ST6GALNAC3: variants seen among roughly 807,000 people sequenced by gnomAD.
The protein encoded by ST6GALNAC3 is alpha-N-acetylgalactosaminide alpha-2,6-sialyltransferase 3.
ST6GALNAC3 carries 25 observed loss-of-function variants against 32.7 expected under a neutral mutation model. The ratio of observed to expected loss-of-function variants is 0.76; its 90% confidence interval spans 0.56 to 1.07. The LOEUF is 1.07. Ranked by LOEUF, ST6GALNAC3 falls within the 50% of genes least tolerant of loss-of-function variation. The pLI, the probability that ST6GALNAC3 is intolerant of heterozygous loss-of-function variation, is 0.00. For synonymous variants in ST6GALNAC3, 129 were observed against 133.1 expected, an observed-to-expected ratio of 0.97 and a Z score of 0.21; for missense variants, 355 against 382.4, an observed-to-expected ratio of 0.93 and a Z score of 0.60.
chr1:76,163,972 C>T (rs1196097017), intron 1 of ST6GALNAC3, among the ~76,000 whole-genome samples: 3 of 152,174 alleles, frequency 2.0e-5, no homozygotes, highest in African/African-American at 7.2e-5. Context: ...GCTACTTTTA[C>T]ACATTGTTAA....
intron 1 of ST6GALNAC3, among the ~76,000 whole-genome samples, chr1:76,123,087 G>C (rs1332688881): frequency 6.6e-6 from 1 of 152,118 alleles, no homozygotes; most frequent in Non-Finnish European, 1.5e-5. Flanking sequence ...AAGAAGTTTT[G>C]CTGGCTGGGC....
At chr1:76,235,965 TG>T (rs1198583473) in intron 1 of ST6GALNAC3, among the ~76,000 whole-genome samples, 1 of 151,616 alleles carries the variant, frequency 6.6e-6, no homozygotes, top group Non-Finnish European at 1.5e-5. Context: ...GACCTCATTT[TG>T]TTTTTTGTTT....
intron 1 of ST6GALNAC3, among the ~76,000 whole-genome samples, chr1:76,139,520 C>T (rs1044060546): frequency 2.0e-5 from 3 of 152,170 alleles, no homozygotes; most frequent in Admixed American, 2.0e-4. Flanking sequence ...GCCTTTATCC[C>T]TATAGGAAGC....
At chr1:76,491,054 C>A (rs1446955813) in intron 3 of ST6GALNAC3, among the ~76,000 whole-genome samples, 1 of 151,958 alleles carries the variant, frequency 6.6e-6, no homozygotes, top group African/African-American at 2.4e-5. Flanking sequence ...GATGGGGTTT[C>A]TCCAAGTTGG....
chr1:76,303,600 C>T (rs562667109), intron 1 of ST6GALNAC3, among the ~76,000 whole-genome samples: 8 of 152,184 alleles, frequency 5.3e-5, no homozygotes, highest in African/African-American at 1.9e-4. Context: ...GTCCCTTCCA[C>T]TAAAAAATAA....
chr1:76,365,864 T>C (rs1255742569), intron 2 of ST6GALNAC3, among the ~76,000 whole-genome samples: 1 of 152,222 alleles, frequency 6.6e-6, no homozygotes, highest in East Asian at 1.9e-4. Flanking sequence ...CGTATTGATG[T>C]ATACATCAAT....
intron 2 of ST6GALNAC3, among the ~76,000 whole-genome samples, chr1:76,337,450 C>T (rs556832153): frequency 6.6e-6 from 1 of 152,292 alleles, no homozygotes; most frequent in African/African-American, 2.4e-5. Flanking sequence ...AAACAAACTT[C>T]TGTGTGTGTG....
At position 76,412,337 on chromosome 1, in the gene ST6GALNAC3, G is replaced by T; in HGVS notation, c.543G>T (p.Pro181=). 1.2e-6 allele frequency: 2 copies of T among 1,613,350 alleles called. No individual in the cohort carries two copies. Among genetic ancestry groups the T allele is most frequent in the Middle Eastern group, 3.3e-4 (2 of 6,054 alleles). The change falls in exon 3 of 5, where the codon CCG becomes CCT. Residue 181 remains proline (P), a synonymous_variant. Coordinates refer to ENST00000328299, the MANE Select transcript of ST6GALNAC3 (RefSeq NM_152996.4). ...NMLKKTVGIY[P]NAQIYVTTEK... ...TGAAAAAGACAGTTGGTATCTATCCGAATGCCCAAATATACGTGACCACAG... is the reference window on the plus strand; with the variant it reads ...TGAAAAAGACAGTTGGTATCTATCCTAATGCCCAAATATACGTGACCACAG...
intron 2 of ST6GALNAC3, among the ~76,000 whole-genome samples, chr1:76,367,328 G>A (rs895558489): frequency 2.6e-5 from 4 of 152,110 alleles, no homozygotes; most frequent in African/African-American, 9.7e-5. Flanking sequence ...TGCCCTCAAG[G>A]ATCTTACAGG....
intron 2 of ST6GALNAC3, among the ~76,000 whole-genome samples, chr1:76,334,522 C>A (rs1210669780): frequency 6.6e-6 from 1 of 152,140 alleles, no homozygotes; most frequent in Non-Finnish European, 1.5e-5. Flanking sequence ...GTTAGAAGTA[C>A]AAATAAAGCG....
At position 76,087,925 on chromosome 1, in the gene ST6GALNAC3, A is replaced by G. The variant is rs114347283; in HGVS notation, c.18+13041A>G. ...ACATGATTTATTTTAAAGTTTAACA[A>G]TCCTATTAGAAATCTATTTTATCTG... On this transcript the variant is annotated intron_variant, in intron 1 of 4. Transcript: ENST00000328299. 7.6e-3 allele frequency among the ~76,000 whole-genome samples: 1,151 copies of G among 152,338 alleles called. 11 individuals carry two copies. Among genetic ancestry groups the G allele is most frequent in the African/African-American group, 0.026 (1,096 of 41,568 alleles).
chr1:76,452,795 G>C (rs1657503212), intron 3 of ST6GALNAC3, among the ~76,000 whole-genome samples: 1 of 152,076 alleles, frequency 6.6e-6, no homozygotes, highest in Non-Finnish European at 1.5e-5. Context: ...TGGCTTCATA[G>C]AATGACTTAG....
At position 76,118,859 on chromosome 1, in the gene ST6GALNAC3, G is replaced by A. The variant is rs147692325; in HGVS notation, c.18+43975G>A. Among the ~76,000 whole-genome samples, 699 of 152,206 alleles carry A rather than the reference G, an allele frequency of 4.6e-3. 11 individuals carry two copies. Among genetic ancestry groups the A allele is most frequent in the African/African-American group, 0.016 (669 of 41,516 alleles). ...TCTTTTTGAGGTGGAGTCTCACTCT[G>A]TCGCCCAGGCCGGAGTGCAGTGGTA... On this transcript the variant is annotated intron_variant, in intron 1 of 4. Coordinates refer to ENST00000328299, the MANE Select transcript of ST6GALNAC3 (RefSeq NM_152996.4).
At chr1:76,605,544 GA>G (rs542445218) in intron 3 of ST6GALNAC3, among the ~76,000 whole-genome samples, 4 of 149,656 alleles carry the variant, frequency 2.7e-5, no homozygotes, top group African/African-American at 9.8e-5. Context: ...AAATTTACAA[GA>G]AAAAAAAACA....
chr1:76,198,334 C>T (rs1430223110), intron 1 of ST6GALNAC3, among the ~76,000 whole-genome samples: 1 of 152,196 alleles, frequency 6.6e-6, no homozygotes, highest in Non-Finnish European at 1.5e-5. Flanking sequence ...CCATACCTGG[C>T]TTTGTCTTTA....
chr1:76,083,013 T>C (rs776986647), intron 1 of ST6GALNAC3, among the ~76,000 whole-genome samples: 1 of 152,220 alleles, frequency 6.6e-6, no homozygotes, highest in Non-Finnish European at 1.5e-5. Context: ...GGAAGGGACT[T>C]CTCTCTGATT....
intron 2 of ST6GALNAC3, among the ~76,000 whole-genome samples, chr1:76,353,049 C>A (rs1204159868): frequency 6.6e-6 from 1 of 152,144 alleles, no homozygotes; most frequent in Non-Finnish European, 1.5e-5. Context: ...CATCCATTCT[C>A]CAAAGAGATC....
chr1:76,246,199 A>G (rs1657247951), intron 1 of ST6GALNAC3, among the ~76,000 whole-genome samples: 1 of 152,146 alleles, frequency 6.6e-6, no homozygotes, highest in Non-Finnish European at 1.5e-5. Flanking sequence ...GTTGGCTTAA[A>G]GCCTGTTTCT....
chr1:76,243,973 A>G (rs1461822616), intron 1 of ST6GALNAC3, among the ~76,000 whole-genome samples: 1 of 152,114 alleles, frequency 6.6e-6, no homozygotes, highest in African/African-American at 2.4e-5. Context: ...GTTTTTTCTA[A>G]TTCTGTGAAG....
Sources: allele counts gnomAD v4.1 joint callset (sites outside exome capture counted in the v4.1 genomes callset), GRCh38; gene constraint gnomAD v4.1.1; transcripts MANE v1.5; gene names NCBI Gene and HGNC (gene_info 2026-07-23, HGNC 2026-07-21).